SAMHD1: variants seen among roughly 807,000 people sequenced by gnomAD.
SAMHD1 encodes the protein SAM and HD domain containing deoxynucleoside triphosphate triphosphohydrolase 1.
A neutral mutation model predicts 79.6 loss-of-function variants in SAMHD1; 54 were observed. The observed-to-expected ratio is 0.68, with a 90% CI of 0.55 to 0.85. SAMHD1 has a LOEUF of 0.85. Ranked by LOEUF, SAMHD1 falls within the 40% of genes least tolerant of loss-of-function variation. The probability of loss-of-function intolerance (pLI) is 0.00; values close to 1 mark genes in which losing one functional copy is unlikely to be tolerated. For missense variants in SAMHD1, 663 were observed against 782.7 expected (o/e 0.85, Z 1.82); for synonymous variants, 260 against 264.1 (o/e 0.98, Z 0.15).
At chr20:36,910,569 A>C (rs2063432619) in intron 11 of SAMHD1, among the ~76,000 whole-genome samples, 3 of 151,856 alleles carry the variant, frequency 2.0e-5, no homozygotes, top group Admixed American at 2.0e-4. Context: ...GTCTCTACTA[A>C]AAATACAAAA....
Position 36,911,267 on chromosome 20 carries a change from A to G in SAMHD1, c.1221T>C (p.Tyr407=), listed in dbSNP as rs762452515. 2 of 1,613,388 alleles carry G rather than the reference A, an allele frequency of 1.2e-6. No individual in the cohort carries two copies. The highest frequency in any genetic ancestry group is 1.7e-6 in the Non-Finnish European group (2 of 1,179,934). ...IEITGAGGKK[Y]RISTAIDDME... is the part of the protein sequence containing the mutation. ...TGTCGTCAATTGCTGTAGAAATGCGATACTTTTTTCCTCCAGCACCTGTAA... is the reference window on the plus strand; with the variant it reads ...TGTCGTCAATTGCTGTAGAAATGCGGTACTTTTTTCCTCCAGCACCTGTAA... The change falls in exon 11 of 16, where the codon TAT becomes TAC. Residue 407 remains tyrosine (Y), a synonymous_variant. Coordinates refer to ENST00000646673, the MANE Select transcript of SAMHD1 (RefSeq NM_015474.4).
intron 11 of SAMHD1, among the ~76,000 whole-genome samples, chr20:36,907,542 T>TTTTTG (rs1224053883): frequency 2.2e-5 from 2 of 90,212 alleles, no homozygotes; most frequent in Non-Finnish European, 6.0e-5. Context: ...AAGATGACTT[T>TTTTTG]TTTTTTTTTT....
intron 11 of SAMHD1, 147 bp downstream of exon 11, chr20:36,911,071 T>C (rs756298873): frequency 3.2e-5 from 18 of 563,406 alleles, no homozygotes; most frequent in Non-Finnish European, 5.3e-5. Flanking sequence ...CTGGGCAATA[T>C]AGTGAGACCC....
chr20:36,895,228 T>C (rs181737637), intron 15 of SAMHD1, among the ~76,000 whole-genome samples: 1 of 152,088 alleles, frequency 6.6e-6, no homozygotes, highest in African/African-American at 2.4e-5. Flanking sequence ...TGCATCATGT[T>C]CTTTCTCATC....
At chr20:36,942,336 T>C (rs2063651094) in intron 2 of SAMHD1, among the ~76,000 whole-genome samples, 1 of 152,088 alleles carries the variant, frequency 6.6e-6, no homozygotes, top group South Asian at 2.1e-4. Flanking sequence ...GAGAATTGCT[T>C]GAACCCGGGA....
intron 9 of SAMHD1, among the ~76,000 whole-genome samples, chr20:36,914,079 C>G (rs753190673): frequency 4.0e-5 from 6 of 150,748 alleles, no homozygotes; most frequent in Non-Finnish European, 7.4e-5. Flanking sequence ...TAGTATAGTA[C>G]TATACTACTT....
At chr20:36,939,709 A>T (rs28619491) in intron 3 of SAMHD1, among the ~76,000 whole-genome samples, 6 of 152,180 alleles carry the variant, frequency 3.9e-5, no homozygotes, top group Non-Finnish European at 5.9e-5. Context: ...TCTATTTTTT[A>T]AAAAAAGTGA....
intron 1 of SAMHD1, among the ~76,000 whole-genome samples, chr20:36,948,450 ACC>A (rs1484901758): frequency 9.2e-5 from 14 of 151,578 alleles, no homozygotes; most frequent in Non-Finnish European, 1.8e-4. Context: ...ACGGTGTTTC[ACC>A]ATGTTGGCCA....
At chr20:36,896,147 T>C (rs868242160) in intron 15 of SAMHD1, among the ~76,000 whole-genome samples, 3 of 152,128 alleles carry the variant, frequency 2.0e-5, no homozygotes, top group Middle Eastern at 6.8e-3. Flanking sequence ...TAATTTTTTG[T>C]ATTTTTAGTA....
At chr20:36,941,177 G>A in intron 2 of SAMHD1, 66 bp from the exon 3 acceptor site, 1 of 1,069,692 alleles carries the variant, frequency 9.3e-7, no homozygotes, top group Non-Finnish European at 1.4e-6. Context: ...GCAGTATATA[G>A]TAGACATAAT....
At position 36,904,182 on chromosome 20, in the gene SAMHD1, A is replaced by G; in HGVS notation, c.1478T>C (p.Leu493Pro). ...ATCCACTATAAAATCTTCAGCCTTC[A>G]GTTTCACGTCTAGCAATACTTTGGG... is the stretch of plus-strand genomic sequence containing the variant. ...AKPKVLLDVK[L>P]KAEDFIVDVI... Residue 493 changes from leucine to proline, a missense_variant, in exon 13 of 16, where the codon CTG becomes CCG. Leu to Pro is a moderately conservative substitution (Grantham distance 98, BLOSUM62 -3). Transcript: ENST00000646673. 5.0e-6 allele frequency: 8 copies of G among 1,613,160 alleles called. No homozygotes were observed. The highest frequency in any genetic ancestry group is 6.8e-6 in the Non-Finnish European group (8 of 1,179,150).
intron 4 of SAMHD1, among the ~76,000 whole-genome samples, chr20:36,932,090 G>C (rs1332138611): frequency 6.6e-6 from 1 of 151,964 alleles, no homozygotes; most frequent in African/African-American, 2.4e-5. Flanking sequence ...GAACAGCCTG[G>C]CCAATGTGGT....
intron 2 of SAMHD1, among the ~76,000 whole-genome samples, chr20:36,942,562 G>T (rs2063653234): frequency 6.6e-6 from 1 of 152,094 alleles, no homozygotes; most frequent in Non-Finnish European, 1.5e-5. Context: ...GATTATGAAA[G>T]AATTTTATTC....
chr20:36,940,953 C>T, intron 3 of SAMHD1, 86 bp downstream of exon 3: 1 of 988,790 alleles, frequency 1.0e-6, no homozygotes, highest in South Asian at 1.3e-5. Context: ...AAGCAGATTT[C>T]CTCCTATTCT....
At chr20:36,935,318 T>C in intron 3 of SAMHD1, 129 bp from the exon 4 acceptor site, 1 of 749,024 alleles carries the variant, frequency 1.3e-6, no homozygotes, top group East Asian at 2.7e-5. Context: ...CTAACGGAAA[T>C]GACAAGATGT....
intron 3 of SAMHD1, among the ~76,000 whole-genome samples, chr20:36,936,895 C>CT (rs1163180910): frequency 3.3e-5 from 5 of 151,940 alleles, no homozygotes; most frequent in Admixed American, 1.3e-4. Flanking sequence ...AATGCCAGCA[C>CT]TTTGGGAGGC....
rs11466931 is a variant in SAMHD1 at position 36,904,042 on chromosome 20, A to AGATGACTTCTT, written c.1503+114_1503+115insAAGAAGTCATC. 586,171 of 734,424 alleles carry AGATGACTTCTT rather than the reference A, an allele frequency of 0.8. 237,740 individuals are homozygous for AGATGACTTCTT. Among genetic ancestry groups the AGATGACTTCTT allele is most frequent in the Middle Eastern group, 0.86 (3,263 of 3,788 alleles). 45.5% of individuals were successfully genotyped at this position (734,424 alleles called of 1,614,324 possible). A position where few individuals can be genotyped will look rare whatever the true frequency, so the allele number is the denominator to read the frequency against. On this transcript the variant is annotated intron_variant, in intron 13 of 15. Transcript: ENST00000646673. ...ATATTGGTTCTCTTTGTGAGGGCAC[A>AGATGACTTCTT]TCATCTTTCTGTATTTTTCTAATTT...
chr20:36,893,246 T>C, intron 15 of SAMHD1, 180 bp from the exon 16 acceptor site: 1 of 703,338 alleles, frequency 1.4e-6, no homozygotes, highest in Non-Finnish European at 2.4e-6. Context: ...TTAGAAACAC[T>C]ACAGTCTTAC....
At chr20:36,890,179 GGACAAAGAGGTC>G (rs1413084907), downstream of SAMHD1, 1 of 152,064 alleles carries the variant, frequency 6.6e-6, no homozygotes, top group Non-Finnish European at 1.5e-5. Flanking sequence ...ATGCATTTTT[GGACAAAGAGGTC>G]GAAACCTTTG....
Sources: gnomAD v4.1 joint callset for allele counts (sites outside exome capture counted in the v4.1 genomes callset) on GRCh38, gnomAD v4.1.1 for gene constraint, MANE v1.5 for transcripts, NCBI Gene and HGNC (gene_info 2026-07-23, HGNC 2026-07-21) for gene names.